The following MARK3 variants were observed in gnomAD, a reference collection of about 807,000 sequenced individuals.
MARK3 encodes MAP/microtubule affinity-regulating kinase 3.
A neutral mutation model predicts 90.1 loss-of-function variants in MARK3; 46 were observed. The observed-to-expected ratio is 0.51, with a 90% confidence interval of 0.40 to 0.65. The LOEUF is 0.65. MARK3 is among the 30% of genes least tolerant of loss of function. The probability of loss-of-function intolerance (pLI) is 0.00; values close to 1 mark genes in which losing one functional copy is unlikely to be tolerated. For synonymous variants in MARK3, 321 were observed against 332.6 expected, an observed-to-expected ratio of 0.97 and a Z score of 0.38; for missense variants, 818 against 947.2, an observed-to-expected ratio of 0.86 and a Z score of 1.79.
At position 103,448,984 on chromosome 14, in the gene MARK3, T is replaced by A. The variant is rs758600993; in HGVS notation, c.346+17T>A. Reference sequence around the variant, plus strand: ...CCAATATAGGTACTTTCTGCTTTTTTAAATATTTTGGGGTCTAAATACGTA... The same window carrying A: ...CCAATATAGGTACTTTCTGCTTTTTAAAATATTTTGGGGTCTAAATACGTA... On this transcript the variant is annotated intron_variant, in intron 4 of 17. Coordinates refer to ENST00000429436, the MANE Select transcript of MARK3 (RefSeq NM_001128918.3). The A allele has an allele frequency of 3.6e-5, 56 of 1,563,182 alleles. 1 individual carries two copies. The highest frequency in any genetic ancestry group is 2.3e-4 in the East Asian group (10 of 44,020).
chr14:103,411,274 G>A (rs1050860977), intron 2 of MARK3, among the ~76,000 whole-genome samples: 2 of 151,976 alleles, frequency 1.3e-5, no homozygotes, highest in Non-Finnish European at 2.9e-5. Flanking sequence ...ACTCCGTCTC[G>A]AAAAAACAAA....
chr14:103,468,275 G>T (rs2141621846), intron 12 of MARK3, 89 bp downstream of exon 12: 2 of 927,292 alleles, frequency 2.2e-6, no homozygotes, highest in South Asian at 5.2e-5. Flanking sequence ...TCAGAGCCTG[G>T]CTTGATGTCC....
intron 14 of MARK3, among the ~76,000 whole-genome samples, chr14:103,485,792 G>C (rs2093917898): frequency 6.6e-6 from 1 of 152,232 alleles, no homozygotes; most frequent in African/African-American, 2.4e-5. Context: ...CAGCACTTCG[G>C]GAGGCCTAGA....
rs142579852 is a variant in MARK3, at chr14:103,433,621, G to C, written c.297+5181G>C. Among the ~76,000 whole-genome samples, 152 of 151,856 alleles carry C rather than the reference G, an allele frequency of 1.0e-3. 5 individuals carry two copies. The East Asian group carries it at 0.026, about 26-fold the overall frequency. ...AATCGCTTGAACCTCGGAGGCGGAG[G>C]TTGCAGTGAGCCGAGATCACACCAC... On this transcript the variant is annotated intron_variant, in intron 3 of 17. Coordinates refer to ENST00000429436, the MANE Select transcript of MARK3 (RefSeq NM_001128918.3).
intron 14 of MARK3, among the ~76,000 whole-genome samples, chr14:103,487,742 T>C (rs2093954240): frequency 6.6e-6 from 1 of 152,086 alleles, no homozygotes; most frequent in African/African-American, 2.4e-5. Flanking sequence ...TTTAGCTGTA[T>C]CTTGTTAGAA....
intron 16 of MARK3, 30 bp from the exon 17 acceptor site, chr14:103,500,126 T>C: frequency 6.3e-7 from 1 of 1,588,736 alleles, no homozygotes; most frequent in Non-Finnish European, 8.6e-7. Flanking sequence ...CTTTCCCTCT[T>C]CTCTCTGCTT....
intron 12 of MARK3, among the ~76,000 whole-genome samples, chr14:103,473,505 G>A (rs973606035): frequency 2.6e-5 from 4 of 152,158 alleles, no homozygotes; most frequent in Non-Finnish European, 5.9e-5. Flanking sequence ...GACGTCTCAT[G>A]GTATTGGGAA....
intron 1 of MARK3, among the ~76,000 whole-genome samples, chr14:103,392,901 C>T (rs2140476925): frequency 6.6e-6 from 1 of 152,212 alleles, no homozygotes; most frequent in Non-Finnish European, 1.5e-5. Flanking sequence ...CCTCCGCCTC[C>T]CGGGTTCAAG....
chr14:103,468,270 G>A (rs1179619893), intron 12 of MARK3, 84 bp downstream of exon 12: 3 of 1,034,106 alleles, frequency 2.9e-6, no homozygotes, highest in Admixed American at 2.8e-5. Context: ...CTTGCTCAGA[G>A]CCTGGCTTGA....
intron 3 of MARK3, among the ~76,000 whole-genome samples, chr14:103,438,992 TAA>T (rs60721454): frequency 7.7e-5 from 11 of 142,308 alleles, no homozygotes; most frequent in Non-Finnish European, 6.1e-5. Context: ...CTTCTCTAAT[TAA>T]AAAAAAAAAA....
At chr14:103,446,425 G>C (rs980145144) in intron 3 of MARK3, among the ~76,000 whole-genome samples, 1 of 152,128 alleles carries the variant, frequency 6.6e-6, no homozygotes, top group African/African-American at 2.4e-5. Flanking sequence ...TGGAGGCTGA[G>C]ACAGAAGAAT....
chr14:103,397,294 A>G (rs889532389), intron 1 of MARK3, among the ~76,000 whole-genome samples: 12 of 149,886 alleles, frequency 8.0e-5, no homozygotes, highest in Non-Finnish European at 1.6e-4. Context: ...TGCCTACCAT[A>G]TAGTTGACTA....
intron 5 of MARK3, among the ~76,000 whole-genome samples, chr14:103,454,101 C>T (rs993247214): frequency 6.6e-6 from 1 of 152,142 alleles, no homozygotes; most frequent in African/African-American, 2.4e-5. Flanking sequence ...GCCAGTGGCC[C>T]TCATTGGCCA....
At chr14:103,427,491 C>CT in intron 2 of MARK3, among the ~76,000 whole-genome samples, 1 of 29,568 alleles carries the variant, frequency 3.4e-5, no homozygotes, top group African/African-American at 8.5e-5. Flanking sequence ...CAGAGGGAGA[C>CT]TGTTTCAAAA....
chr14:103,450,903 T>A (rs2093124359), intron 4 of MARK3, among the ~76,000 whole-genome samples: 1 of 123,132 alleles, frequency 8.1e-6, no homozygotes, highest in Non-Finnish European at 1.8e-5. Context: ...TGTGTGTGTG[T>A]GTGTGTGTGT....
rs535118521 is a variant in MARK3 at position 103,388,197 on chromosome 14, C to T, written c.51+2117C>T. On this transcript the variant is annotated intron_variant, in intron 1 of 17. Transcript: ENST00000429436. ...CCTCCCGCGTCAGCCTCCCAAAGTG[C>T]TGGGATTACAGGCGTGAGCCACCAC... Among the ~76,000 whole-genome samples the T allele has an allele frequency of 1.1e-4, 17 of 152,362 alleles. No homozygotes were observed. In the East Asian group the frequency reaches 3.1e-3, roughly 28 times the overall value.
chr14:103,494,562 A>G (rs79443745), intron 15 of MARK3, among the ~76,000 whole-genome samples: 1 of 151,748 alleles, frequency 6.6e-6, no homozygotes, highest in Non-Finnish European at 1.5e-5. Context: ...AAAAAAAAAA[A>G]AAAGACTAGC....
chr14:103,423,811 T>C (rs1308198162), intron 2 of MARK3, among the ~76,000 whole-genome samples: 2 of 152,230 alleles, frequency 1.3e-5, no homozygotes, highest in Non-Finnish European at 2.9e-5. Context: ...TTTGATAAAA[T>C]GACTTTTCTG....
intron 3 of MARK3, among the ~76,000 whole-genome samples, chr14:103,443,763 AT>A (rs1229739435): frequency 2.0e-5 from 3 of 151,530 alleles, no homozygotes; most frequent in Non-Finnish European, 4.4e-5. Context: ...TAAGAAGCAA[AT>A]TTTTTTTTCC....
Sources: gnomAD v4.1 joint callset for allele counts (sites outside exome capture counted in the v4.1 genomes callset) on GRCh38, gnomAD v4.1.1 for gene constraint, MANE v1.5 for transcripts, NCBI Gene and HGNC (gene_info 2026-07-23, HGNC 2026-07-21) for gene names.